The following ARAP2 variants were observed in gnomAD, a reference collection of about 807,000 sequenced individuals.
ARAP2 encodes ArfGAP with RhoGAP domain, ankyrin repeat and PH domain 2.
A neutral mutation model predicts 194.5 loss-of-function variants in ARAP2; 148 were observed. The observed-to-expected ratio is 0.76, with a 90% CI of 0.67 to 0.87. ARAP2 has a LOEUF of 0.87. ARAP2 is among the 40% of genes least tolerant of loss of function. The pLI, the probability that ARAP2 is intolerant of heterozygous loss-of-function variation, is 0.00. For synonymous variants in ARAP2, 695 were observed against 683.5 expected (o/e 1.02, Z -0.26); for missense variants, 2,128 against 1,989.7 (o/e 1.07, Z -1.32).
At chr4:36,098,558 GAAAT>G (rs1186487297) in intron 27 of ARAP2, among the ~76,000 whole-genome samples, 1 of 151,934 alleles carries the variant, frequency 6.6e-6, no homozygotes, top group Non-Finnish European at 1.5e-5. Flanking sequence ...TTTAAAACAT[GAAAT>G]AAATGGACAA....
chr4:36,204,899 A>G (rs578198208), intron 6 of ARAP2, among the ~76,000 whole-genome samples: 283 of 144,318 alleles, frequency 2.0e-3, no homozygotes, highest in Admixed American at 5.3e-3. Context: ...TGTGGCAGAG[A>G]ACTGCTTGAA....
chr4:36,193,711 T>C, intron 6 of ARAP2, 64 bp from the exon 7 acceptor site: 1 of 1,196,952 alleles, frequency 8.4e-7, no homozygotes, highest in Non-Finnish European at 1.2e-6. Context: ...GTTAAATTCA[T>C]TTGTAATGTA....
At chr4:36,083,305 T>G in intron 29 of ARAP2, 63 bp downstream of exon 29, 1 of 1,223,948 alleles carries the variant, frequency 8.2e-7, no homozygotes, top group Non-Finnish European at 1.2e-6. Flanking sequence ...GATCCCTAAA[T>G]CCTTAAATAG....
chr4:36,042,846 C>CT (rs35695121), intron 5 of ARAP2, among the ~76,000 whole-genome samples: 43 of 124,672 alleles, frequency 3.4e-4, no homozygotes, highest in Admixed American at 1.2e-3. Flanking sequence ...TTTTTTTCTT[C>CT]TTTTTTTTTT....
intron 6 of ARAP2, among the ~76,000 whole-genome samples, chr4:36,199,042 C>T (rs1743797665): frequency 6.6e-6 from 1 of 152,192 alleles, no homozygotes; most frequent in South Asian, 2.1e-4. Context: ...ACAGCTGCAC[C>T]CGAGGAGCTC....
At chr4:36,151,607 T>C (rs1011685236) in intron 15 of ARAP2, among the ~76,000 whole-genome samples, 2 of 152,196 alleles carry the variant, frequency 1.3e-5, no homozygotes, top group African/African-American at 4.8e-5. Flanking sequence ...ATAAAGTCTA[T>C]ATATTAGATA....
chr4:36,148,519 A>C lies in ARAP2; in HGVS notation c.2898-12T>G. On this transcript the variant is annotated splice_polypyrimidine_tract_variant and intron_variant, in intron 16 of 32. Transcript: ENST00000303965. ...AGATAAAGATGGGCCTAAAACATGC[A>C]CAAATAAAAAGATACTACCAGTTAT... The C allele has an allele frequency of 1.3e-6, 2 of 1,592,650 alleles. No homozygotes were observed. The highest frequency in any genetic ancestry group is 1.7e-6 in the Non-Finnish European group (2 of 1,162,294).
At chr4:36,142,198 T>C (rs894225975) in intron 19 of ARAP2, among the ~76,000 whole-genome samples, 6 of 151,722 alleles carry the variant, frequency 4.0e-5, no homozygotes, top group African/African-American at 1.5e-4. Flanking sequence ...CACTACCACA[T>C]GGAGAAAACT....
At chr4:36,027,333 G>A (rs1718093546) in intron 5 of ARAP2, among the ~76,000 whole-genome samples, 1 of 151,838 alleles carries the variant, frequency 6.6e-6, no homozygotes, top group African/African-American at 2.4e-5. Flanking sequence ...ATCCATCTAA[G>A]CCCGTGCTCC....
intron 2 of ARAP2, among the ~76,000 whole-genome samples, chr4:36,225,528 C>T (rs74735910): frequency 3.4e-4 from 52 of 152,114 alleles, no homozygotes; most frequent in African/African-American, 1.1e-3. Flanking sequence ...CCTGATCTAG[C>T]TTTCAAGAAA....
chr4:36,064,608 T>C (rs1179191297), downstream of ARAP2, among the ~76,000 whole-genome samples: 2 of 152,206 alleles, frequency 1.3e-5, no homozygotes, highest in African/African-American at 2.4e-5. Flanking sequence ...GTGGGTGTAC[T>C]CTGAGGTGGA....
At chr4:36,041,341 T>C (rs1720838346) in intron 5 of ARAP2, among the ~76,000 whole-genome samples, 1 of 151,570 alleles carries the variant, frequency 6.6e-6, no homozygotes, top group Admixed American at 6.6e-5. Context: ...AAGAGAAAAA[T>C]ATACAAGCCC....
At chr4:36,053,399 C>T (rs776602351) in intron 2 of ARAP2, among the ~76,000 whole-genome samples, 11 of 152,114 alleles carry the variant, frequency 7.2e-5, no homozygotes, top group Non-Finnish European at 1.5e-4. Flanking sequence ...AATACATGCA[C>T]CTGTGTAGCC....
chr4:36,040,736 G>T (rs1720718835), intron 5 of ARAP2, among the ~76,000 whole-genome samples: 1 of 152,110 alleles, frequency 6.6e-6, no homozygotes, highest in African/African-American at 2.4e-5. Flanking sequence ...AGGAGCTTTT[G>T]GGTCGAGAGT....
At chr4:36,037,692 G>T (rs1720170743) in intron 5 of ARAP2, among the ~76,000 whole-genome samples, 1 of 152,028 alleles carries the variant, frequency 6.6e-6, no homozygotes, top group Admixed American at 6.6e-5. Flanking sequence ...ATCATTGGTT[G>T]CCTCGTGGAC....
At chr4:36,189,098 A>C (rs1741270148) in intron 7 of ARAP2, among the ~76,000 whole-genome samples, 1 of 152,180 alleles carries the variant, frequency 6.6e-6, no homozygotes, top group Admixed American at 6.5e-5. Context: ...AAAACTGAGT[A>C]TGGCAAATGA....
chr4:36,203,657 A>C (rs1744926266), intron 6 of ARAP2, among the ~76,000 whole-genome samples: 1 of 152,132 alleles, frequency 6.6e-6, no homozygotes. Context: ...GATTCATTTA[A>C]AAGATACTAG....
intron 23 of ARAP2, among the ~76,000 whole-genome samples, chr4:36,120,957 G>C (rs929061843): frequency 6.6e-6 from 1 of 151,482 alleles, no homozygotes; most frequent in African/African-American, 2.4e-5. Flanking sequence ...CTGTCAAACA[G>C]ATATCAGATG....
At chr4:36,102,517 T>C (rs779061188) in intron 27 of ARAP2, among the ~76,000 whole-genome samples, 15 of 152,128 alleles carry the variant, frequency 9.9e-5, no homozygotes, top group African/African-American at 2.9e-4. Context: ...GAGTAAAATA[T>C]AGCCTTGTTA....
Sources: allele counts gnomAD v4.1 joint callset (sites outside exome capture counted in the v4.1 genomes callset), GRCh38; gene constraint gnomAD v4.1.1; transcripts MANE v1.5; gene names NCBI Gene and HGNC (gene_info 2026-07-23, HGNC 2026-07-21).